The following ITPKB variants were observed in gnomAD, a reference collection of about 807,000 sequenced individuals.
ITPKB encodes the protein inositol-trisphosphate 3-kinase B.
ITPKB carries 13 observed loss-of-function variants against 69.4 expected under a neutral mutation model. That is an observed-to-expected ratio of 0.19 (90% CI 0.12 to 0.30). The LOEUF is 0.30. Among genes scored for constraint, ITPKB ranks in the 10% least tolerant of loss-of-function variants. The pLI, the probability that ITPKB is intolerant of heterozygous loss-of-function variation, is 1.00. For missense variants in ITPKB, 1,240 were observed against 1,250.5 expected (o/e 0.99, Z 0.13); for synonymous variants, 584 against 513.7 (o/e 1.14, Z -1.85).
intron 2 of ITPKB, among the ~76,000 whole-genome samples, chr1:226,728,393 G>C (rs1472703057): frequency 6.6e-6 from 1 of 152,184 alleles, no homozygotes; most frequent in African/African-American, 2.4e-5. Flanking sequence ...GAGTTGTTGA[G>C]AAACACGCCA....
At chr1:226,667,826 A>ATGTGTGTG (rs3841844) in intron 2 of ITPKB, among the ~76,000 whole-genome samples, 7,493 of 148,330 alleles carry the variant, frequency 0.051, 193 homozygotes, top group Middle Eastern at 0.13. Flanking sequence ...GATGAGGAAA[A>ATGTGTGTG]TGTGTGTGTG....
At position 226,639,595 on chromosome 1, in the gene ITPKB, C is replaced by A; in HGVS notation, c.2515G>T (p.Ala839Ser). The A allele has an allele frequency of 6.2e-7, 1 of 1,613,782 alleles. No homozygotes were observed. The highest frequency in any genetic ancestry group is 8.5e-7 in the Non-Finnish European group (1 of 1,179,668). The stretch of plus-strand genomic sequence containing the variant: ...TTTCCTTTAGTGAACTCTCTGAAGG[C>A]CTCGGTGACCTGCTCCCTCGTTTTG... ...KTKTREQVTE[A>S]FREFTKGNHN... is the part of the protein sequence containing the mutation. Residue 839 changes from alanine (A) to serine (S), a missense_variant, in exon 6 of 8, where the codon GCC becomes TCC. By Grantham distance (99) the Ala-to-Ser change is moderately conservative. Around this residue, in one of 2 missense-constraint regions of ITPKB, gnomAD observed 248 missense variants for 396.7 expected, o/e 0.63. Transcript: ENST00000429204.
chr1:226,696,522 T>C (rs979130577), intron 2 of ITPKB, among the ~76,000 whole-genome samples: 1 of 152,174 alleles, frequency 6.6e-6, no homozygotes, highest in Non-Finnish European at 1.5e-5. Flanking sequence ...CCGGCCCCTG[T>C]ATTTTCTACT....
chr1:226,661,682 A>C (rs1669404453), intron 2 of ITPKB, among the ~76,000 whole-genome samples: 1 of 152,224 alleles, frequency 6.6e-6, no homozygotes. Flanking sequence ...GTTAAATTAA[A>C]TTCTCTGTGT....
intron 2 of ITPKB, chr1:226,675,015 G>T (rs1241167575): frequency 6.7e-6 from 1 of 148,300 alleles, no homozygotes; most frequent in Non-Finnish European, 1.5e-5. Flanking sequence ...AACTGCGTTT[G>T]ACCTCTGTGT....
intron 2 of ITPKB, among the ~76,000 whole-genome samples, chr1:226,721,622 A>G (rs12741875): frequency 6.6e-6 from 1 of 151,288 alleles, no homozygotes; most frequent in Non-Finnish European, 1.5e-5. Flanking sequence ...CAGCCTCCCA[A>G]GTAGCTGGGA....
At chr1:226,651,909 T>A (rs1459914871) in intron 2 of ITPKB, among the ~76,000 whole-genome samples, 1 of 152,160 alleles carries the variant, frequency 6.6e-6, no homozygotes, top group African/African-American at 2.4e-5. Context: ...CTCCTCCATT[T>A]CTTCACCATG....
chr1:226,680,161 AGAACTGAG>A (rs1423178423), intron 2 of ITPKB, among the ~76,000 whole-genome samples: 1 of 152,212 alleles, frequency 6.6e-6, no homozygotes, highest in African/African-American at 2.4e-5. Flanking sequence ...CTGAAAGCCC[AGAACTGAG>A]CCTCCAGGCA....
At chr1:226,674,433 G>A (rs191218821) in intron 2 of ITPKB, among the ~76,000 whole-genome samples, 494 of 152,120 alleles carry the variant, frequency 3.2e-3, no homozygotes, top group Non-Finnish European at 4.4e-3. Flanking sequence ...TCCTGACCTC[G>A]TGATCCACCC....
At chr1:226,650,234 C>A (rs1298632948) in intron 2 of ITPKB, among the ~76,000 whole-genome samples, 2 of 152,226 alleles carry the variant, frequency 1.3e-5, no homozygotes, top group Admixed American at 6.5e-5. Flanking sequence ...GACTCAGCCG[C>A]TTCTGTCATC....
At chr1:226,703,993 T>C (rs1376264048) in intron 2 of ITPKB, among the ~76,000 whole-genome samples, 1 of 152,200 alleles carries the variant, frequency 6.6e-6, no homozygotes, top group African/African-American at 2.4e-5. Context: ...TGGATGACAC[T>C]GTGCCCAACT....
At chr1:226,695,387 C>T (rs557657543) in intron 2 of ITPKB, among the ~76,000 whole-genome samples, 1 of 152,238 alleles carries the variant, frequency 6.6e-6, no homozygotes, top group Non-Finnish European at 1.5e-5. Context: ...TTAAATAAAT[C>T]AATTGTGCAA....
chr1:226,711,974 G>A (rs919029528), intron 2 of ITPKB, among the ~76,000 whole-genome samples: 2 of 152,180 alleles, frequency 1.3e-5, no homozygotes, highest in African/African-American at 2.4e-5. Flanking sequence ...GCCTCCCTGC[G>A]GGGAAGGTTT....
rs751319232 is a variant in ITPKB at position 226,736,536 on chromosome 1, G to T, written c.923C>A (p.Ala308Glu). ...GTGTGGCCCAGTGGATGTAACTCTC[G>T]CTGCCACTTCCGTGGCCATCGTTAA... ...ASLTMATEVA[A>E]RVTSTGPHRP... is the part of the protein sequence containing the mutation. The change falls in exon 2 of 8, where the codon GCG becomes GAG. Residue 308 changes from alanine to glutamate, a missense_variant. By Grantham distance (107) the Ala-to-Glu change is moderately radical (BLOSUM62 -1). Around this residue, in one of 2 missense-constraint regions of ITPKB, gnomAD observed 992 missense variants for 853.8 expected, o/e 1.16. Coordinates refer to ENST00000429204, the MANE Select transcript of ITPKB (RefSeq NM_002221.4). 6.2e-7 allele frequency: 1 copy of T among 1,613,514 alleles called. No homozygotes were observed. The highest frequency in any genetic ancestry group is 1.3e-5 in the African/African-American group (1 of 75,050).
chr1:226,694,808 C>A (rs1203019809), intron 2 of ITPKB, among the ~76,000 whole-genome samples: 1 of 152,226 alleles, frequency 6.6e-6, no homozygotes, highest in African/African-American at 2.4e-5. Flanking sequence ...CCCTAATGGC[C>A]AAAATCACTC....
At chr1:226,663,143 GAT>G (rs1020461866) in intron 2 of ITPKB, among the ~76,000 whole-genome samples, 12 of 152,168 alleles carry the variant, frequency 7.9e-5, no homozygotes, top group African/African-American at 2.7e-4. Flanking sequence ...TATGTGTGAC[GAT>G]ATGTGTGATT....
intron 2 of ITPKB, among the ~76,000 whole-genome samples, chr1:226,677,814 G>A (rs1028837286): frequency 5.3e-5 from 8 of 152,172 alleles, no homozygotes; most frequent in African/African-American, 1.4e-4. Context: ...CAGGGCGTTC[G>A]CCTCCTGTTA....
intron 2 of ITPKB, 129 bp from the exon 3 acceptor site, chr1:226,648,900 G>A: frequency 1.4e-6 from 1 of 694,558 alleles, no homozygotes; most frequent in South Asian, 1.6e-5. Flanking sequence ...CGGGCTCTGA[G>A]GACCTTGCCA....
At chr1:226,729,630 G>A (rs936873143) in intron 2 of ITPKB, among the ~76,000 whole-genome samples, 1 of 152,022 alleles carries the variant, frequency 6.6e-6, no homozygotes, top group South Asian at 2.1e-4. Context: ...CCAGGCTGGA[G>A]TGCAATGGTG....
Sources: gnomAD v4.1 joint callset for allele counts (sites outside exome capture counted in the v4.1 genomes callset) on GRCh38, gnomAD v4.1.1 for gene constraint, gnomAD v4.1.1 regional missense constraint, MANE v1.5 for transcripts, NCBI Gene and HGNC (gene_info 2026-07-23, HGNC 2026-07-21) for gene names.